PLEKHF2: variants seen among roughly 807,000 people sequenced by gnomAD.
PLEKHF2 encodes pleckstrin homology domain-containing family F member 2.
In PLEKHF2, 4 loss-of-function variants were observed where a neutral mutation model predicts 14.7. The observed-to-expected ratio is 0.27, with a 90% CI of 0.13 to 0.62. The LOEUF (loss-of-function observed/expected upper bound fraction) is 0.62, where lower values mean the gene tolerates loss of function less well. PLEKHF2 is among the 20% of genes least tolerant of loss of function. PLEKHF2 has a pLI of 0.85. For synonymous variants in PLEKHF2, 90 were observed against 103.5 expected (o/e 0.87, Z 0.79); for missense variants, 201 against 307.7 (o/e 0.65, Z 2.60).
rs1810346902 is a variant in PLEKHF2 at position 95,133,970 on chromosome 8, G to T, written c.-75G>T. The T allele has an allele frequency of 6.6e-6, 1 of 151,312 alleles. No homozygotes were observed. The highest frequency in any genetic ancestry group is 2.0e-4 in the South Asian group (1 of 4,936). 9.4% of individuals were successfully genotyped at this position (151,312 alleles called of 1,614,324 possible). ...GGCAGAGTCCGCGCCCTGCGTCCGC[G>T]ACCAGGAGGATCGGACCTTCGCCTT... On this transcript the variant is annotated 5_prime_UTR_variant, in exon 1 of 2. Transcript: ENST00000315367.
intron 1 of PLEKHF2, among the ~76,000 whole-genome samples, chr8:95,143,695 T>C (rs1810461471): frequency 6.6e-6 from 1 of 152,118 alleles, no homozygotes; most frequent in Non-Finnish European, 1.5e-5. Context: ...TAGCTAGTAG[T>C]CTGGTTTGAC....
chr8:95,144,400 T>C (rs1461338165), intron 1 of PLEKHF2, among the ~76,000 whole-genome samples: 1 of 152,260 alleles, frequency 6.6e-6, no homozygotes, highest in East Asian at 1.9e-4. Flanking sequence ...TACTTCCTTT[T>C]AGTATTTGAA....
chr8:95,145,281 A>G (rs1810484900), intron 1 of PLEKHF2, among the ~76,000 whole-genome samples: 1 of 152,198 alleles, frequency 6.6e-6, no homozygotes. Flanking sequence ...TCTTCCTTTT[A>G]TCACTAATAA....
intron 1 of PLEKHF2, among the ~76,000 whole-genome samples, chr8:95,138,453 T>G (rs1276937342): frequency 6.6e-6 from 1 of 150,896 alleles, no homozygotes; most frequent in African/African-American, 2.4e-5. Context: ...ATTTTTGTGT[T>G]CTTTGCTCAC....
At chr8:95,134,942 T>C (rs1472050488) in intron 1 of PLEKHF2, among the ~76,000 whole-genome samples, 1 of 152,194 alleles carries the variant, frequency 6.6e-6, no homozygotes, top group East Asian at 1.9e-4. Context: ...ATCTTGACAG[T>C]TTGAAGTTTT....
rs569287672 is a variant in PLEKHF2, at chr8:95,145,413, C to T, written c.-14-8618C>T. 3.3e-5 allele frequency among the ~76,000 whole-genome samples: 5 copies of T among 151,788 alleles called. No individual in the cohort carries two copies. In the South Asian group the frequency reaches 6.3e-4, roughly 19 times the overall value. On this transcript the variant is annotated intron_variant, in intron 1 of 1. Transcript: ENST00000315367. The stretch of plus-strand genomic sequence containing the variant: ...AAGTAGAGTTTTATAAAATTCCAAA[C>T]GCAATTTACTAAATTTTGAAATATT...
At chr8:95,147,281 C>T (rs1042264364) in intron 1 of PLEKHF2, among the ~76,000 whole-genome samples, 49 of 152,076 alleles carry the variant, frequency 3.2e-4, no homozygotes, top group African/African-American at 1.1e-3. Context: ...ACCCTGCATA[C>T]CCCAGACCAA....
At position 95,154,426 on chromosome 8, in the gene PLEKHF2, A is replaced by G; in HGVS notation, c.382A>G (p.Lys128Glu). 7 of 1,614,116 alleles carry G rather than the reference A, an allele frequency of 4.3e-6. No homozygotes were observed. Among genetic ancestry groups the G allele is most frequent in the Non-Finnish European group, 5.9e-6 (7 of 1,179,972 alleles). ...ATCAGAATGGATGAATCATATAAAT[A>G]AATGTGTTACTGATTTACTCTCCAA... ...EKSEWMNHIN[K>E]CVTDLLSKSG... Residue 128 changes from lysine to glutamate, a missense_variant, in exon 2 of 2, where the codon AAA becomes GAA. Transcript: ENST00000315367. This position sits in a 1 kb window ranked among gnomAD's most constrained non-coding sequence, Gnocchi z 5.6.
chr8:95,145,638 A>T (rs1027667200), intron 1 of PLEKHF2, among the ~76,000 whole-genome samples: 4 of 151,972 alleles, frequency 2.6e-5, no homozygotes, highest in African/African-American at 7.3e-5. Context: ...GTTAGCCAGG[A>T]TGGTCTCGAT....
At chr8:95,153,184 G>A (rs1431221415) in intron 1 of PLEKHF2, among the ~76,000 whole-genome samples, 2 of 152,092 alleles carry the variant, frequency 1.3e-5, no homozygotes, top group Admixed American at 1.3e-4. Context: ...GAATATACAT[G>A]GAATATGGAT....
chr8:95,145,496 T>C (rs972164005), intron 1 of PLEKHF2, among the ~76,000 whole-genome samples: 11 of 151,956 alleles, frequency 7.2e-5, no homozygotes, highest in Non-Finnish European at 1.5e-4. Context: ...CTCACTCAGC[T>C]CACTGCCAGC....
At chr8:95,134,681 G>A (rs752601656) in intron 1 of PLEKHF2, among the ~76,000 whole-genome samples, 3 of 152,134 alleles carry the variant, frequency 2.0e-5, no homozygotes, top group African/African-American at 7.2e-5. Flanking sequence ...GCGCGCTGCC[G>A]GTGTTGCTTG....
intron 1 of PLEKHF2, among the ~76,000 whole-genome samples, chr8:95,153,481 G>A (rs139544911): frequency 1.3e-5 from 2 of 152,062 alleles, no homozygotes; most frequent in Non-Finnish European, 2.9e-5. Context: ...GCAATGATGG[G>A]GTCAAATTAG....
intron 1 of PLEKHF2, among the ~76,000 whole-genome samples, chr8:95,145,246 T>C (rs1160173909): frequency 2.6e-5 from 4 of 152,118 alleles, no homozygotes; most frequent in Non-Finnish European, 4.4e-5. Context: ...CATATGAAAG[T>C]TTTGTCTTAC....
chr8:95,153,188 T>G (rs114845516), intron 1 of PLEKHF2, among the ~76,000 whole-genome samples: 2 of 152,088 alleles, frequency 1.3e-5, no homozygotes, highest in Non-Finnish European at 2.9e-5. Flanking sequence ...ATACATGGAA[T>G]ATGGATAGCT....
chr8:95,154,951 G>A lies in PLEKHF2; in HGVS notation c.*157G>A. On this transcript the variant is annotated 3_prime_UTR_variant, in exon 2 of 2. Transcript: ENST00000315367. This position sits in a 1 kb window ranked among gnomAD's most constrained non-coding sequence, Gnocchi z 5.6. ...CCTCAATATATTCCATAGAAAGTAG[G>A]TCCCCCTGCCTTCTCCCACTCCTCA... 1.2e-6 allele frequency: 1 copy of A among 847,894 alleles called. No individual in the cohort carries two copies. The highest frequency in any genetic ancestry group is 2.9e-5 in the Admixed American group (1 of 34,764). 52.5% of individuals were successfully genotyped at this position (847,894 alleles called of 1,614,324 possible). A position where few individuals can be genotyped will look rare whatever the true frequency, so the allele number is the denominator to read the frequency against.
intron 1 of PLEKHF2, among the ~76,000 whole-genome samples, chr8:95,142,961 C>T (rs1810453943): frequency 6.6e-6 from 1 of 152,128 alleles, no homozygotes; most frequent in Non-Finnish European, 1.5e-5. Flanking sequence ...TTTCATCAAA[C>T]TCAAGATTGG....
rs182784940 is a variant in PLEKHF2, at chr8:95,155,486, A to G, written c.*692A>G. On this transcript the variant is annotated 3_prime_UTR_variant, in exon 2 of 2. Transcript: ENST00000315367. Reference sequence around the variant, plus strand: ...TATATGAATAAATATTTTTCCATAAAATAGTTGTGATTATATTTTTGTTTT... The same window carrying G: ...TATATGAATAAATATTTTTCCATAAGATAGTTGTGATTATATTTTTGTTTT... 9.0e-5 allele frequency: 15 copies of G among 167,168 alleles called. No individual in the cohort carries two copies. In the East Asian group the frequency reaches 2.5e-3, roughly 28 times the overall value. The allele number at this position is 167,168 out of a possible 1,614,324, so 10.4% of individuals were successfully genotyped here.
Position 95,138,363 on chromosome 8 carries a change from C to G in PLEKHF2, c.-15+4333C>G, listed in dbSNP as rs912098189. On this transcript the variant is annotated intron_variant, in intron 1 of 1. Coordinates refer to ENST00000315367, the MANE Select transcript of PLEKHF2 (RefSeq NM_024613.4). Reference sequence around the variant, plus strand: ...CCAACTTCTTCATCTTCCCCCCCCCCCCGCCCCTTTTTCAGAAGTGGAACT... The same window carrying G: ...CCAACTTCTTCATCTTCCCCCCCCCGCCGCCCCTTTTTCAGAAGTGGAACT... Among the ~76,000 whole-genome samples the G allele has an allele frequency of 2.0e-4, 18 of 88,200 alleles. 1 individual carries two copies. Among genetic ancestry groups the G allele is most frequent in the South Asian group, 1.0e-3 (2 of 2,002 alleles). The allele number at this position is 88,200 out of a possible 152,430, so 57.9% of individuals were successfully genotyped here.
Sources: allele counts gnomAD v4.1 joint callset (sites outside exome capture counted in the v4.1 genomes callset), GRCh38; gene constraint gnomAD v4.1.1; non-coding constraint Gnocchi (gnomAD v3.1); transcripts MANE v1.5; gene names NCBI Gene and HGNC (gene_info 2026-07-23, HGNC 2026-07-21).